Variants in DDX4 observed in about 807,000 individuals in gnomAD.
DDX4 encodes DEAD-box helicase 4, also known as probable ATP-dependent RNA helicase DDX4.
A neutral mutation model predicts 100.0 loss-of-function variants in DDX4; 25 were observed. The observed-to-expected ratio is 0.25, with a 90% CI of 0.18 to 0.35. The LOEUF is 0.35. Among genes scored for constraint, DDX4 ranks in the 10% least tolerant of loss-of-function variants. The pLI, the probability that DDX4 is intolerant of heterozygous loss-of-function variation, is 1.00. For synonymous variants in DDX4, 259 were observed against 275.7 expected (o/e 0.94, Z 0.60); for missense variants, 635 against 882.4 (o/e 0.72, Z 3.55).
At chr5:55,774,725 T>G (rs1292926458) in intron 7 of DDX4, among the ~76,000 whole-genome samples, 1 of 152,154 alleles carries the variant, frequency 6.6e-6, no homozygotes. Flanking sequence ...CAAATTCTTT[T>G]GCATATGGAT....
At chr5:55,778,367 A>G (rs1384974365) in intron 7 of DDX4, among the ~76,000 whole-genome samples, 1 of 152,218 alleles carries the variant, frequency 6.6e-6, no homozygotes, top group Non-Finnish European at 1.5e-5. Context: ...TTGCTAATAG[A>G]GGAAATCTAG....
chr5:55,769,245 T>A (rs1210821002), intron 7 of DDX4, among the ~76,000 whole-genome samples: 1 of 152,144 alleles, frequency 6.6e-6, no homozygotes, highest in African/African-American at 2.4e-5. Context: ...TTTTATAGTT[T>A]TAGGTTTTAC....
intron 15 of DDX4, among the ~76,000 whole-genome samples, chr5:55,788,993 C>T (rs1742397380): frequency 1.3e-5 from 2 of 151,806 alleles, no homozygotes; most frequent in Non-Finnish European, 2.9e-5. Flanking sequence ...CCTGGGAGGT[C>T]GAGGCTGCAG....
At chr5:55,792,251 CAG>C (rs1233733408) in intron 16 of DDX4, among the ~76,000 whole-genome samples, 4 of 150,828 alleles carry the variant, frequency 2.7e-5, no homozygotes, top group South Asian at 2.1e-4. Flanking sequence ...TGCTTTATAA[CAG>C]AAAATTGAAC....
intron 18 of DDX4, among the ~76,000 whole-genome samples, chr5:55,808,036 G>T (rs184101703): frequency 1.9e-3 from 282 of 151,788 alleles, no homozygotes; most frequent in African/African-American, 4.8e-3. Context: ...CTTTTTTCTC[G>T]AAACTTCTCT....
chr5:55,780,751 A>G (rs1002992318), intron 8 of DDX4, among the ~76,000 whole-genome samples: 4 of 152,174 alleles, frequency 2.6e-5, no homozygotes, highest in Admixed American at 2.6e-4. Flanking sequence ...ACTTGCTTGT[A>G]TCATATTTTG....
At chr5:55,745,040 C>T (rs560330571) in intron 2 of DDX4, among the ~76,000 whole-genome samples, 1 of 152,152 alleles carries the variant, frequency 6.6e-6, no homozygotes, top group South Asian at 2.1e-4. Flanking sequence ...ATCACCATGC[C>T]AGGCTAATTT....
chr5:55,795,783 G>A (rs751748141), intron 17 of DDX4, among the ~76,000 whole-genome samples: 3 of 152,096 alleles, frequency 2.0e-5, no homozygotes, highest in African/African-American at 2.4e-5. Flanking sequence ...TCAGTACAAC[G>A]TGGCAGTGAT....
chr5:55,782,792 T>C (rs1044120803), intron 10 of DDX4, among the ~76,000 whole-genome samples: 2 of 151,086 alleles, frequency 1.3e-5, no homozygotes, highest in African/African-American at 2.4e-5. Flanking sequence ...TAAAGTTTTT[T>C]CTTTTCTTTT....
chr5:55,791,951 A>C (rs959421762), intron 16 of DDX4, among the ~76,000 whole-genome samples: 3 of 150,576 alleles, frequency 2.0e-5, no homozygotes, highest in African/African-American at 7.3e-5. Context: ...CTCTACTAAA[A>C]ACACACACAC....
chr5:55,775,299 C>T lies in DDX4; in HGVS notation c.395-4665C>T, dbSNP rs188209371. Among the ~76,000 whole-genome samples the T allele has an allele frequency of 4.6e-5, 7 of 152,252 alleles. No homozygotes were observed. In the East Asian group the frequency reaches 1.2e-3, roughly 25 times the overall value. ...TTCTTCTTTCCGACTATTGTAAGTC[C>T]GCTATGAACATTCACCTACAGTTAT... On this transcript the variant is annotated intron_variant, in intron 7 of 21. Transcript: ENST00000505374.
At chr5:55,810,762 T>A (rs914306924) in intron 18 of DDX4, among the ~76,000 whole-genome samples, 1 of 152,156 alleles carries the variant, frequency 6.6e-6, no homozygotes, top group Non-Finnish European at 1.5e-5. Context: ...TCTCAAAAGT[T>A]TTCTGGGTGA....
intron 7 of DDX4, among the ~76,000 whole-genome samples, chr5:55,770,891 C>T (rs1450107306): frequency 1.3e-5 from 2 of 152,002 alleles, no homozygotes; most frequent in Non-Finnish European, 2.9e-5. Flanking sequence ...TTCTTCAGAC[C>T]AGTGAATATC....
chr5:55,741,847 A>G (rs1758996327), intron 2 of DDX4, among the ~76,000 whole-genome samples: 1 of 152,138 alleles, frequency 6.6e-6, no homozygotes, highest in Non-Finnish European at 1.5e-5. Context: ...TGTAGAACAA[A>G]TCTAAAGTCT....
chr5:55,761,728 C>T (rs903033799), intron 4 of DDX4, among the ~76,000 whole-genome samples: 1 of 152,084 alleles, frequency 6.6e-6, no homozygotes, highest in Non-Finnish European at 1.5e-5. Context: ...CTGCCTCAGC[C>T]TTCCGAGTAG....
chr5:55,810,943 G>T (rs1037838570), intron 18 of DDX4, among the ~76,000 whole-genome samples: 8 of 151,748 alleles, frequency 5.3e-5, no homozygotes, highest in African/African-American at 1.9e-4. Context: ...TGACATGGTT[G>T]TAAATAACCA....
chr5:55,806,233 G>T (rs1252000809), intron 18 of DDX4, among the ~76,000 whole-genome samples: 1 of 151,888 alleles, frequency 6.6e-6, no homozygotes, highest in East Asian at 1.9e-4. Flanking sequence ...TATTAGTCTT[G>T]CTAGCAGTCT....
chr5:55,738,832 G>A, intron 1 of DDX4, 118 bp from the exon 2 acceptor site: 1 of 687,766 alleles, frequency 1.5e-6, no homozygotes, highest in South Asian at 1.7e-5. Flanking sequence ...AACTTTTGGG[G>A]TATCAGCACC....
Position 55,785,729 on chromosome 5 carries a change from G to T in DDX4, c.722G>T (p.Gly241Val). Residue 241 changes from glycine (G) to valine (V), a missense_variant and splice_region_variant, in exon 13 of 22, where the codon GGA becomes GTA. Physicochemically the swap from Gly to Val is moderately radical, Grantham distance 109. Transcript: ENST00000505374. ...TTATGTTTTTAATTTAAATTCCAAG[G>T]ACCAAAAGTGACCTACATACCCCCT... is the stretch of plus-strand genomic sequence containing the variant. The part of the protein sequence containing the change: ...AEGGESSDTQ[G>V]PKVTYIPPPP... The T allele has an allele frequency of 6.2e-7, 1 of 1,610,026 alleles. No homozygotes were observed. The highest frequency in any genetic ancestry group is 1.1e-5 in the South Asian group (1 of 90,782).
Sources: gnomAD v4.1 joint callset for allele counts (sites outside exome capture counted in the v4.1 genomes callset) on GRCh38, gnomAD v4.1.1 for gene constraint, MANE v1.5 for transcripts, NCBI Gene and HGNC (gene_info 2026-07-23, HGNC 2026-07-21) for gene names.